The following EFCAB5 variants were observed in gnomAD, a reference collection of about 807,000 sequenced individuals.
EFCAB5 encodes the protein EF-hand calcium binding domain 5, also known as EF-hand calcium-binding domain-containing protein 5.
EFCAB5 carries 131 observed loss-of-function variants against 167.9 expected under a neutral mutation model. The ratio of observed to expected loss-of-function variants is 0.78; its 90% CI spans 0.68 to 0.90. The LOEUF (loss-of-function observed/expected upper bound fraction) is 0.90, where lower values mean the gene tolerates loss of function less well. Ranked by LOEUF, EFCAB5 falls within the 40% of genes least tolerant of loss-of-function variation. EFCAB5 has a pLI of 0.00. For missense variants in EFCAB5, 1,663 were observed against 1,745.2 expected (o/e 0.95, Z 0.84); for synonymous variants, 574 against 602.8 (o/e 0.95, Z 0.70).
Position 29,942,271 on chromosome 17 carries a change from G to A in EFCAB5, c.74G>A (p.Trp25Ter), listed in dbSNP as rs1392051873. The part of the protein sequence containing the change: ...ENRKEDKERK[W>*]NLTEVKELHE... The stretch of plus-strand genomic sequence containing the variant: ...AGAAAAGAAGACAAAGAGAGGAAAT[G>A]GAACTTAACTGAAGTGAAAGAGCTT... Residue 25 changes from tryptophan (W) to a stop codon, truncating the protein, a stop_gained, in exon 2 of 23, where the codon TGG becomes TAG. Coordinates refer to ENST00000394835, the MANE Select transcript of EFCAB5 (RefSeq NM_198529.4). LOFTEE classifies it high-confidence loss of function. 6.3e-6 allele frequency: 10 copies of A among 1,591,186 alleles called. No homozygotes were observed. In the African/African-American group the frequency reaches 8.1e-5, roughly 13 times the overall value.
chr17:30,086,119 C>T (rs1174165861), intron 18 of EFCAB5, among the ~76,000 whole-genome samples: 2 of 152,044 alleles, frequency 1.3e-5, no homozygotes, highest in African/African-American at 2.4e-5. Flanking sequence ...CCTCAACCTC[C>T]GGGGTAGCTA....
chr17:30,037,760 A>G (rs190893304), intron 8 of EFCAB5, among the ~76,000 whole-genome samples: 204 of 152,328 alleles, frequency 1.3e-3, no homozygotes, highest in African/African-American at 3.9e-3. Context: ...TAGAAATAAA[A>G]GTATTAGTAA....
rs140874892 is a variant in EFCAB5, at chr17:30,010,888, T to C, written c.1044+10912T>C. Among the ~76,000 whole-genome samples the C allele has an allele frequency of 6.2e-3, 948 of 152,344 alleles. 7 individuals are homozygous for C. Among genetic ancestry groups the C allele is most frequent in the African/African-American group, 0.022 (905 of 41,574 alleles). On this transcript the variant is annotated intron_variant, in intron 7 of 22. Coordinates refer to ENST00000394835, the MANE Select transcript of EFCAB5 (RefSeq NM_198529.4). ...TTCATGAAGTCCTTGCCCATGCCTA[T>C]GTCCTGAATGGTAATGCCTAGGTTT...
intron 8 of EFCAB5, among the ~76,000 whole-genome samples, chr17:30,046,787 G>A (rs1020193145): frequency 6.6e-6 from 1 of 152,062 alleles, no homozygotes; most frequent in African/African-American, 2.4e-5. Flanking sequence ...TTCTCTTGGG[G>A]CATTTAGCTT....
At chr17:29,940,914 C>T (rs920441807), upstream of EFCAB5, among the ~76,000 whole-genome samples, 4 of 151,872 alleles carry the variant, frequency 2.6e-5, no homozygotes, top group African/African-American at 9.7e-5. Context: ...GTGGTGAGCA[C>T]CTGTAGTCCC....
intron 8 of EFCAB5, among the ~76,000 whole-genome samples, chr17:30,048,467 C>T (rs868234005): frequency 6.7e-6 from 1 of 150,310 alleles, no homozygotes; most frequent in Non-Finnish European, 1.5e-5. Flanking sequence ...CCTGTTTTGT[C>T]TATGTAGAAG....
chr17:30,090,273 C>A, intron 19 of EFCAB5, 148 bp from the exon 20 acceptor site: 2 of 1,018,620 alleles, frequency 2.0e-6, no homozygotes, highest in Non-Finnish European at 1.4e-6. Flanking sequence ...AAATCAAGGG[C>A]TAGAATGCTC....
chr17:30,001,218 T>A (rs1363385728), intron 7 of EFCAB5, among the ~76,000 whole-genome samples: 1 of 152,180 alleles, frequency 6.6e-6, no homozygotes, highest in Non-Finnish European at 1.5e-5. Flanking sequence ...TTCAGTGGCA[T>A]TAGCCTCTCC....
Position 30,090,665 on chromosome 17 carries a change from T to C in EFCAB5, c.3928T>C (p.Tyr1310His). 1 of 1,611,866 alleles carries C rather than the reference T, an allele frequency of 6.2e-7. No individual in the cohort carries two copies. Among genetic ancestry groups the C allele is most frequent in the Non-Finnish European group, 8.5e-7 (1 of 1,179,408 alleles). The change falls in exon 20 of 23, where the codon TAT (tyrosine) becomes CAT (histidine). Residue 1310 changes from tyrosine to histidine, a missense_variant. Physicochemically the swap from Tyr to His is moderately conservative, Grantham distance 83 (BLOSUM62 2). Coordinates refer to ENST00000394835, the MANE Select transcript of EFCAB5 (RefSeq NM_198529.4). Reference sequence around the variant, plus strand: ...GTTCTCTGGAGAGATAAAGAAAAAATATATCTTAGGTATCGTTCATGTGGC... The same window carrying C: ...GTTCTCTGGAGAGATAAAGAAAAAACATATCTTAGGTATCGTTCATGTGGC... ...GEFSGEIKKK[Y>H]ILEIENVREV...
chr17:29,958,440 T>G (rs971027020), intron 3 of EFCAB5, among the ~76,000 whole-genome samples: 2 of 152,196 alleles, frequency 1.3e-5, no homozygotes, highest in Non-Finnish European at 2.9e-5. Flanking sequence ...CATACATTCT[T>G]CAGTACATTA....
Position 30,087,145 on chromosome 17 carries a change from A to G in EFCAB5, c.3662A>G (p.His1221Arg). ...ATCCACAAAAATCCTCCTACCATCCACAGGAAGTCATGCATCTTCAGGTTA... is the reference window on the plus strand; with the variant it reads ...ATCCACAAAAATCCTCCTACCATCCGCAGGAAGTCATGCATCTTCAGGTTA... Reference protein sequence around the residue: ...TEIHKNPPTIHRKSCIFRDFL... With the variant: ...TEIHKNPPTIRRKSCIFRDFL... The change falls in exon 19 of 23, where the codon CAC (histidine) becomes CGC (arginine). Residue 1221 changes from histidine to arginine, a missense_variant. Coordinates refer to ENST00000394835, the MANE Select transcript of EFCAB5 (RefSeq NM_198529.4). 1 of 1,613,716 alleles carries G rather than the reference A, an allele frequency of 6.2e-7. No individual in the cohort carries two copies. The highest frequency in any genetic ancestry group is 1.1e-5 in the South Asian group (1 of 91,082).
At chr17:30,054,717 A>G (rs2070203922) in intron 10 of EFCAB5, among the ~76,000 whole-genome samples, 1 of 152,240 alleles carries the variant, frequency 6.6e-6, no homozygotes, top group Non-Finnish European at 1.5e-5. Flanking sequence ...AGAAAGTATT[A>G]CATGGAAAAT....
At chr17:30,073,159 G>A (rs757642436) in intron 14 of EFCAB5, 11 of 698,850 alleles carry the variant, frequency 1.6e-5, no homozygotes, top group South Asian at 7.4e-5. Flanking sequence ...GGACTCAAGC[G>A]ATCATCCCAT....
At chr17:29,973,633 A>G (rs1354341275) in intron 4 of EFCAB5, among the ~76,000 whole-genome samples, 1 of 151,110 alleles carries the variant, frequency 6.6e-6, no homozygotes, top group Non-Finnish European at 1.5e-5. Context: ...ACCCGCCACT[A>G]CACCCTGCTA....
chr17:30,094,276 A>C (rs2071253255), intron 22 of EFCAB5, among the ~76,000 whole-genome samples: 1 of 152,132 alleles, frequency 6.6e-6, no homozygotes, highest in Admixed American at 6.5e-5. Context: ...TGGGTGCAGC[A>C]AACAAACATG....
intron 14 of EFCAB5, among the ~76,000 whole-genome samples, chr17:30,077,655 A>T (rs2070894962): frequency 6.6e-6 from 1 of 152,242 alleles, no homozygotes; most frequent in African/African-American, 2.4e-5. Flanking sequence ...AGTAGAATGG[A>T]GATACTGCAG....
At chr17:30,064,981 T>A (rs1323463065) in intron 14 of EFCAB5, among the ~76,000 whole-genome samples, 1 of 152,016 alleles carries the variant, frequency 6.6e-6, no homozygotes, top group East Asian at 1.9e-4. Context: ...CCTTCAGAAA[T>A]GAGAGAACAA....
upstream of EFCAB5, among the ~76,000 whole-genome samples, chr17:29,941,045 AAAAGAAAAG>A (rs1453844178): frequency 6.6e-6 from 1 of 152,142 alleles, no homozygotes; most frequent in African/African-American, 2.4e-5. Flanking sequence ...GTAAAAAAAA[AAAAGAAAAG>A]AAAGAAAAGT....
chr17:30,100,366 G>A (rs1567779152), intron 22 of EFCAB5, among the ~76,000 whole-genome samples: 1 of 152,200 alleles, frequency 6.6e-6, no homozygotes, highest in Non-Finnish European at 1.5e-5. Context: ...TAGAAAATAA[G>A]TGCTATGGGG....
Sources: gnomAD v4.1 joint callset for allele counts (sites outside exome capture counted in the v4.1 genomes callset) on GRCh38, gnomAD v4.1.1 for gene constraint, MANE v1.5 for transcripts, NCBI Gene and HGNC (gene_info 2026-07-23, HGNC 2026-07-21) for gene names.